The following ABCC1 variants were observed in gnomAD, a reference collection of about 807,000 sequenced individuals.
The protein encoded by ABCC1 is multidrug resistance-associated protein 1.
A neutral mutation model predicts 172.9 loss-of-function variants in ABCC1; 83 were observed. That is an observed-to-expected ratio of 0.48 (90% CI 0.40 to 0.58). The LOEUF is 0.58. Ranked by LOEUF, ABCC1 falls within the 20% of genes least tolerant of loss-of-function variation. The probability of loss-of-function intolerance (pLI) is 0.00; values close to 1 mark genes in which losing one functional copy is unlikely to be tolerated. For synonymous variants in ABCC1, 937 were observed against 825.2 expected (o/e 1.14, Z -2.32); for missense variants, 1,817 against 2,002.7 (o/e 0.91, Z 1.77).
chr16:16,079,591 CG>C, intron 16 of ABCC1, 113 bp downstream of exon 16: 1 of 1,330,370 alleles, frequency 7.5e-7, no homozygotes, highest in Non-Finnish European at 1.0e-6. Context: ...AAAGCAGCAA[CG>C]TCTCTTTTCC....
intron 16 of ABCC1, among the ~76,000 whole-genome samples, chr16:16,081,606 T>C (rs2050807764): frequency 6.6e-6 from 1 of 152,184 alleles, no homozygotes; most frequent in Non-Finnish European, 1.5e-5. Flanking sequence ...ACTGTTGACA[T>C]TTTGGCTTTT....
intron 28 of ABCC1, among the ~76,000 whole-genome samples, chr16:16,135,098 G>A (rs921407839): frequency 3.3e-5 from 5 of 152,176 alleles, no homozygotes; most frequent in African/African-American, 7.2e-5. Context: ...AAAAGACACC[G>A]TCTTCTCTCT....
At chr16:16,126,453 G>C (rs2045440655) in intron 26 of ABCC1, among the ~76,000 whole-genome samples, 1 of 152,094 alleles carries the variant, frequency 6.6e-6, no homozygotes, top group African/African-American at 2.4e-5. Context: ...GCACAATCTC[G>C]GCTCACTGCA....
intron 10 of ABCC1, among the ~76,000 whole-genome samples, chr16:16,050,729 CAAAAAA>C (rs35207136): frequency 3.0e-5 from 2 of 66,614 alleles, no homozygotes; most frequent in African/African-American, 5.7e-5. Context: ...CCTGTCTCTA[CAAAAAA>C]AAAAAAAAAA....
chr16:15,998,468 G>A (rs1231101673), intron 1 of ABCC1, among the ~76,000 whole-genome samples: 1 of 152,192 alleles, frequency 6.6e-6, no homozygotes, highest in Non-Finnish European at 1.5e-5. Flanking sequence ...GTTGGCCGCT[G>A]TAGGGGCTGT....
At chr16:16,063,633 A>G (rs2050001533) in intron 12 of ABCC1, among the ~76,000 whole-genome samples, 1 of 152,184 alleles carries the variant, frequency 6.6e-6, no homozygotes, top group South Asian at 2.1e-4. Context: ...AAGTCTAGAA[A>G]AAGACTTTTA....
chr16:16,110,215 C>G (rs73504216), intron 21 of ABCC1, among the ~76,000 whole-genome samples: 49,405 of 151,492 alleles, frequency 0.33, 8,449 homozygotes, highest in African/African-American at 0.41. Context: ...ACCCTTGTGC[C>G]TCAGCCTACA....
chr16:16,111,291 T>G, intron 21 of ABCC1, 84 bp from the exon 22 acceptor site: 1 of 1,152,392 alleles, frequency 8.7e-7, no homozygotes, highest in Non-Finnish European at 1.3e-6. Flanking sequence ...GGCACAGTGC[T>G]GGTGAAGCCC....
intron 1 of ABCC1, among the ~76,000 whole-genome samples, chr16:15,992,119 C>T (rs576049361): frequency 8.9e-4 from 135 of 151,922 alleles, no homozygotes; most frequent in Non-Finnish European, 1.6e-3. Flanking sequence ...ACCGTGTGCG[C>T]GAGGGATCCA....
At chr16:16,027,525 T>C (rs982370480) in intron 5 of ABCC1, among the ~76,000 whole-genome samples, 2 of 152,146 alleles carry the variant, frequency 1.3e-5, no homozygotes, top group African/African-American at 4.8e-5. Context: ...ATAAAAATGG[T>C]ATATAGGTTG....
At chr16:16,040,476 G>A (rs189134630) in intron 7 of ABCC1, among the ~76,000 whole-genome samples, 3 of 151,898 alleles carry the variant, frequency 2.0e-5, no homozygotes, top group Admixed American at 6.6e-5. Context: ...TAGTAGAGAT[G>A]GGGTTTCTCC....
chr16:16,088,225 A>G (rs1392047664), intron 18 of ABCC1, among the ~76,000 whole-genome samples: 1 of 151,942 alleles, frequency 6.6e-6, no homozygotes, highest in Non-Finnish European at 1.5e-5. Context: ...CCAGTGGATC[A>G]CCTGAGGTCA....
At chr16:16,087,865 G>C (rs2051075425) in intron 18 of ABCC1, among the ~76,000 whole-genome samples, 2 of 152,102 alleles carry the variant, frequency 1.3e-5, no homozygotes, top group African/African-American at 4.8e-5. Flanking sequence ...CTGGTTAGAG[G>C]TTTTGTATTT....
chr16:15,955,774 C>T (rs1481214698), intron 1 of ABCC1, among the ~76,000 whole-genome samples: 2 of 152,098 alleles, frequency 1.3e-5, no homozygotes, highest in Non-Finnish European at 2.9e-5. Context: ...TAATATTTTG[C>T]TTAAGTATTG....
At chr16:16,108,420 G>A (rs978277062) in intron 21 of ABCC1, among the ~76,000 whole-genome samples, 4 of 149,318 alleles carry the variant, frequency 2.7e-5, no homozygotes, top group Admixed American at 6.7e-5. Context: ...ACAGGCCTGC[G>A]CCACCATGCC....
intron 1 of ABCC1, among the ~76,000 whole-genome samples, chr16:15,961,801 A>G (rs2151502211): frequency 7.0e-6 from 1 of 143,526 alleles, no homozygotes; most frequent in Non-Finnish European, 1.5e-5. Flanking sequence ...TAAACAAGCC[A>G]CGCATTTGCC....
rs2151942170 is a variant in ABCC1 at position 16,065,174 on chromosome 16, G to C, written c.1678-2982G>C. On this transcript the variant is annotated intron_variant, in intron 12 of 30. Coordinates refer to ENST00000399410, the MANE Select transcript of ABCC1 (RefSeq NM_004996.4). ...GACGCCAAATGAGGTACAGGGAAGG[G>C]ACTTTACAAATCAGCTGGGCCTTGG... Among the ~76,000 whole-genome samples, 2 of 152,254 alleles carry C rather than the reference G, an allele frequency of 1.3e-5. 1 individual carries two copies. The highest frequency in any genetic ancestry group is 4.1e-4 in the South Asian group (2 of 4,826).
intron 3 of ABCC1, among the ~76,000 whole-genome samples, chr16:16,010,174 G>A (rs1054652144): frequency 6.7e-6 from 1 of 149,192 alleles, no homozygotes; most frequent in Admixed American, 6.9e-5. Context: ...CTTCTGAGTA[G>A]TTGGGACTAC....
rs939395607 is a variant in ABCC1, at chr16:16,131,938, G to A, written c.3966+3G>A. On this transcript the variant is annotated splice_donor_region_variant and intron_variant, in intron 27 of 30. Coordinates refer to ENST00000399410, the MANE Select transcript of ABCC1 (RefSeq NM_004996.4). ...TCACGATCAATGGGGGAGAAAAGGT[G>A]GGTACACATCGCCCCATTCCCTCAC... The A allele has an allele frequency of 6.2e-7, 1 of 1,613,440 alleles. No homozygotes were observed. Among genetic ancestry groups the A allele is most frequent in the African/African-American group, 1.3e-5 (1 of 74,896 alleles).
Sources: gnomAD v4.1 joint callset for allele counts (sites outside exome capture counted in the v4.1 genomes callset) on GRCh38, gnomAD v4.1.1 for gene constraint, MANE v1.5 for transcripts, NCBI Gene and HGNC (gene_info 2026-07-23, HGNC 2026-07-21) for gene names.